KANK4: variants seen among roughly 807,000 people sequenced by gnomAD.
KANK4 encodes the protein KN motif and ankyrin repeat domain-containing protein 4.
In KANK4, 50 loss-of-function variants were observed where a neutral mutation model predicts 80.8. The ratio of observed to expected loss-of-function variants is 0.62; its 90% CI spans 0.49 to 0.78. The LOEUF (loss-of-function observed/expected upper bound fraction) is 0.78, where lower values mean the gene tolerates loss of function less well. Among genes scored for constraint, KANK4 ranks in the 30% least tolerant of loss-of-function variants. The pLI, the probability that KANK4 is intolerant of heterozygous loss-of-function variation, is 0.00. For synonymous variants in KANK4, 465 were observed against 506.9 expected (o/e 0.92, Z 1.11); for missense variants, 1,196 against 1,240.1 (o/e 0.96, Z 0.53).
At chr1:62,251,715 C>T (rs558758959) in intron 8 of KANK4, among the ~76,000 whole-genome samples, 5 of 152,254 alleles carry the variant, frequency 3.3e-5, no homozygotes, top group East Asian at 1.9e-4. Context: ...ATTCAGAGGC[C>T]GGGCGCGGTG....
intron 1 of KANK4, among the ~76,000 whole-genome samples, chr1:62,301,862 C>T (rs1322332741): frequency 1.3e-5 from 2 of 151,846 alleles, no homozygotes; most frequent in Non-Finnish European, 2.9e-5. Flanking sequence ...AAACCTGAAG[C>T]TTAGAGATGT....
At chr1:62,288,995 G>A (rs1672627146) in intron 1 of KANK4, among the ~76,000 whole-genome samples, 1 of 152,108 alleles carries the variant, frequency 6.6e-6, no homozygotes, top group South Asian at 2.1e-4. Context: ...ACAATGAGCC[G>A]GGTACTCTGG....
intron 1 of KANK4, among the ~76,000 whole-genome samples, chr1:62,289,426 TGAG>T (rs1374642303): frequency 6.6e-6 from 1 of 152,138 alleles, no homozygotes; most frequent in East Asian, 1.9e-4. Flanking sequence ...TCAGTGTTGA[TGAG>T]GAGGGGACTC....
chr1:62,281,482 G>C, intron 2 of KANK4, 67 bp downstream of exon 2: 1 of 1,592,976 alleles, frequency 6.3e-7, no homozygotes, highest in Non-Finnish European at 8.6e-7. Flanking sequence ...TCCAGGATTT[G>C]TGGCAACAAT....
Position 62,274,024 on chromosome 1 carries a change from G to C in KANK4, c.1080C>G (p.Thr360=), listed in dbSNP as rs200484535. ...SALEGELSGR[T]EELAQVRTAL... is the part of the protein sequence containing the mutation. ...CAGTTCTGACCTGTGCCAGTTCCTC[G>C]GTTCTTCCAGACAACTCTCCCTCCA... Residue 360 remains threonine (T), a synonymous_variant, in exon 3 of 10, where the codon ACC becomes ACG. Transcript: ENST00000371153. The C allele has an allele frequency of 6.2e-7, 1 of 1,614,108 alleles. No homozygotes were observed. Among genetic ancestry groups the C allele is most frequent in the South Asian group, 1.1e-5 (1 of 91,076 alleles).
chr1:62,246,977 T>A (rs1671481109), intron 9 of KANK4, among the ~76,000 whole-genome samples: 1 of 151,928 alleles, frequency 6.6e-6, no homozygotes, highest in African/African-American at 2.4e-5. Context: ...GCCAGGCCGG[T>A]CTCAAACTCC....
At chr1:62,287,460 C>T (rs899041781) in intron 1 of KANK4, among the ~76,000 whole-genome samples, 2 of 152,192 alleles carry the variant, frequency 1.3e-5, no homozygotes, top group African/African-American at 4.8e-5. Context: ...TCCTGTCTAA[C>T]CCATGCTGAA....
chr1:62,307,280 C>T (rs1317916897), intron 1 of KANK4, among the ~76,000 whole-genome samples: 3 of 151,844 alleles, frequency 2.0e-5, no homozygotes, highest in Non-Finnish European at 4.4e-5. Context: ...GTCAGGAGTT[C>T]GAGACCAGCC....
intron 1 of KANK4, among the ~76,000 whole-genome samples, chr1:62,292,970 G>A (rs1672714879): frequency 2.6e-5 from 4 of 152,144 alleles, no homozygotes; most frequent in Admixed American, 2.6e-4. Flanking sequence ...CTGACAGCAA[G>A]AATCAAGCCT....
At chr1:62,247,804 G>A in intron 8 of KANK4, 132 bp from the exon 9 acceptor site, 1 of 713,196 alleles carries the variant, frequency 1.4e-6, no homozygotes, top group Non-Finnish European at 2.4e-6. Flanking sequence ...CCTTGATATG[G>A]GACATAACCT....
At chr1:62,301,274 A>G (rs1380324737) in intron 1 of KANK4, among the ~76,000 whole-genome samples, 2 of 152,086 alleles carry the variant, frequency 1.3e-5, no homozygotes, top group African/African-American at 4.8e-5. Flanking sequence ...CATATGCACT[A>G]TGTGGAAATG....
chr1:62,271,556 A>G lies in KANK4; in HGVS notation c.1934T>C (p.Met645Thr), dbSNP rs1279451664. The stretch of plus-strand genomic sequence containing the variant: ...ACGGAAGCCATAGTCTTTCTTTTTC[A>G]TTATGGATTTAAGGCTGGTCGATGG... The part of the protein sequence containing the change: ...ISPSTSLKSI[M>T]KKKDYGFRAG... The change falls in exon 4 of 10, where the codon ATG becomes ACG. Residue 645 changes from methionine (M) to threonine (T), a missense_variant. By Grantham distance (81) the Met-to-Thr change is moderately conservative. Around this residue, in one of 3 missense-constraint regions of KANK4, gnomAD observed 1,154 missense variants for 1,179.6 expected, o/e 0.98. Coordinates refer to ENST00000371153, the MANE Select transcript of KANK4 (RefSeq NM_181712.5). The G allele has an allele frequency of 6.2e-7, 1 of 1,613,886 alleles. No individual in the cohort carries two copies. The highest frequency in any genetic ancestry group is 8.5e-7 in the Non-Finnish European group (1 of 1,179,916).
intron 1 of KANK4, among the ~76,000 whole-genome samples, chr1:62,292,655 C>A (rs1239729367): frequency 1.3e-5 from 2 of 152,106 alleles, no homozygotes; most frequent in African/African-American, 2.4e-5. Flanking sequence ...AATGGCAAAT[C>A]TCTATTTTAA....
intron 2 of KANK4, among the ~76,000 whole-genome samples, chr1:62,280,747 G>A (rs1393384061): frequency 2.0e-5 from 3 of 152,122 alleles, no homozygotes; most frequent in East Asian, 1.9e-4. Context: ...CATGCATTAC[G>A]TAATTTAGTT....
intron 1 of KANK4, among the ~76,000 whole-genome samples, chr1:62,289,246 T>C (rs1041876380): frequency 2.0e-5 from 3 of 152,210 alleles, no homozygotes; most frequent in African/African-American, 7.2e-5. Context: ...CCCTGCGTAC[T>C]GTTACTTCTA....
chr1:62,249,618 C>A (rs1043370215), intron 8 of KANK4, among the ~76,000 whole-genome samples: 2 of 151,186 alleles, frequency 1.3e-5, no homozygotes, highest in Non-Finnish European at 2.9e-5. Flanking sequence ...TCTCGGCTCA[C>A]TGCAACCTCT....
Position 62,273,362 on chromosome 1 carries a change from C to T in KANK4, c.1742G>A (p.Gly581Glu). 1 of 1,607,898 alleles carries T rather than the reference C, an allele frequency of 6.2e-7. No individual in the cohort carries two copies. Residue 581 changes from glycine to glutamate, a missense_variant, in exon 3 of 10, where the codon GGG (glycine) becomes GAG (glutamate). Transcript: ENST00000371153. ...GATGGCGCTGGCCAGCTCCGGGTAC[C>T]CATGCTCCAGGCAGTTCCACTGCTC... ...LQEQWNCLEH[G>E]YPELASAIKQ...
At chr1:62,292,935 T>C (rs915432387) in intron 1 of KANK4, among the ~76,000 whole-genome samples, 1 of 152,222 alleles carries the variant, frequency 6.6e-6, no homozygotes, top group Non-Finnish European at 1.5e-5. Flanking sequence ...AATTGCCTAA[T>C]GCTTCTTGCT....
Position 62,271,548 on chromosome 1 carries a change from T to C in KANK4, c.1942A>G (p.Lys648Glu). Reference protein sequence around the residue: ...STSLKSIMKKKDYGFRAGGNG... With the variant: ...STSLKSIMKKEDYGFRAGGNG... ...CCTCCTGCACGGAAGCCATAGTCTT[T>C]CTTTTTCATTATGGATTTAAGGCTG... Residue 648 changes from lysine (K) to glutamate (E), a missense_variant, in exon 4 of 10, where the codon AAA becomes GAA. Transcript: ENST00000371153. 6.2e-7 allele frequency: 1 copy of C among 1,614,122 alleles called. No homozygotes were observed. The highest frequency in any genetic ancestry group is 8.5e-7 in the Non-Finnish European group (1 of 1,179,966).
Sources: gnomAD v4.1 joint callset for allele counts (sites outside exome capture counted in the v4.1 genomes callset) on GRCh38, gnomAD v4.1.1 for gene constraint, gnomAD v4.1.1 regional missense constraint, MANE v1.5 for transcripts, NCBI Gene and HGNC (gene_info 2026-07-23, HGNC 2026-07-21) for gene names.